Variants in ZMAT4 observed in about 807,000 individuals in gnomAD.
ZMAT4 encodes zinc finger matrin-type protein 4.
A neutral mutation model predicts 28.7 loss-of-function variants in ZMAT4; 17 were observed. The observed-to-expected ratio is 0.59, with a 90% CI of 0.41 to 0.89. The LOEUF (loss-of-function observed/expected upper bound fraction) is 0.89. Among genes scored for constraint, ZMAT4 ranks in the 40% least tolerant of loss-of-function variants. The pLI, the probability that ZMAT4 is intolerant of heterozygous loss-of-function variation, is 0.00. For missense variants in ZMAT4, 240 were observed against 283.8 expected, an observed-to-expected ratio of 0.85 and a Z score of 1.11; for synonymous variants, 117 against 109.2, an observed-to-expected ratio of 1.07 and a Z score of -0.44.
At chr8:40,695,268 C>T (rs1221711435) in intron 4 of ZMAT4, among the ~76,000 whole-genome samples, 5 of 152,338 alleles carry the variant, frequency 3.3e-5, no homozygotes, top group South Asian at 2.1e-4. Context: ...GCTTTCTCTG[C>T]TCCCTGCCAA....
chr8:40,890,466 T>A (rs933063564), intron 1 of ZMAT4, among the ~76,000 whole-genome samples: 6 of 152,144 alleles, frequency 3.9e-5, no homozygotes, highest in African/African-American at 1.4e-4. Context: ...AGTCAAAGTA[T>A]CGGCTTCTGA....
At chr8:40,649,168 T>C (rs1807505161) in intron 5 of ZMAT4, among the ~76,000 whole-genome samples, 1 of 152,046 alleles carries the variant, frequency 6.6e-6, no homozygotes. Context: ...GTGTGCTGTA[T>C]TCAGGAAACC....
At chr8:40,580,386 T>C (rs1804423094) in intron 6 of ZMAT4, among the ~76,000 whole-genome samples, 1 of 152,342 alleles carries the variant, frequency 6.6e-6, no homozygotes, top group South Asian at 2.1e-4. Context: ...TTTGTTAAAT[T>C]AACATTCATA....
chr8:40,678,425 A>G (rs1398136548), intron 4 of ZMAT4, among the ~76,000 whole-genome samples: 4 of 152,176 alleles, frequency 2.6e-5, no homozygotes, highest in Non-Finnish European at 1.5e-5. Context: ...CTATTATCCC[A>G]CCAGCCTTTG....
chr8:40,558,154 G>T (rs1190764303), intron 6 of ZMAT4, among the ~76,000 whole-genome samples: 1 of 152,128 alleles, frequency 6.6e-6, no homozygotes, highest in Admixed American at 6.5e-5. Context: ...GGGGAGGAGA[G>T]ATTTGCCTGA....
chr8:40,888,642 C>T (rs1468789234), intron 1 of ZMAT4: 1 of 152,314 alleles, frequency 6.6e-6, no homozygotes, highest in African/African-American at 2.4e-5. Context: ...CCAACTGTGA[C>T]TTTCACCCCG....
intron 5 of ZMAT4, among the ~76,000 whole-genome samples, chr8:40,593,605 C>CT (rs1477368889): frequency 1.3e-5 from 2 of 152,182 alleles, no homozygotes; most frequent in Admixed American, 1.3e-4. Flanking sequence ...CCAACCTCCA[C>CT]TTTAGAGCTT....
At chr8:40,644,071 G>T (rs1449663789) in intron 5 of ZMAT4, among the ~76,000 whole-genome samples, 1 of 152,084 alleles carries the variant, frequency 6.6e-6, no homozygotes, top group Non-Finnish European at 1.5e-5. Context: ...AATCTCTATA[G>T]TTGCCAAGTA....
chr8:40,659,599 G>A (rs1235242938), intron 5 of ZMAT4, among the ~76,000 whole-genome samples: 2 of 152,118 alleles, frequency 1.3e-5, no homozygotes, highest in Non-Finnish European at 2.9e-5. Context: ...TGAACAATCT[G>A]ATATTTCACG....
chr8:40,688,233 G>A (rs1809503568), intron 4 of ZMAT4, among the ~76,000 whole-genome samples: 1 of 152,070 alleles, frequency 6.6e-6, no homozygotes, highest in Non-Finnish European at 1.5e-5. Flanking sequence ...CCAGACAGGT[G>A]GATCACAAGG....
chr8:40,808,493 A>G, intron 2 of ZMAT4: 1 of 453,798 alleles, frequency 2.2e-6, no homozygotes, highest in Non-Finnish European at 4.4e-6. Flanking sequence ...GCAGTAGTAT[A>G]AAGCTGAAAA....
At chr8:40,847,188 A>C (rs1441210129) in intron 1 of ZMAT4, among the ~76,000 whole-genome samples, 1 of 148,680 alleles carries the variant, frequency 6.7e-6, no homozygotes, top group Non-Finnish European at 1.5e-5. Flanking sequence ...TGGGCAATAG[A>C]GAAAGATTCC....
intron 2 of ZMAT4, among the ~76,000 whole-genome samples, chr8:40,802,310 T>C (rs1224788041): frequency 6.6e-6 from 1 of 152,184 alleles, no homozygotes; most frequent in Non-Finnish European, 1.5e-5. Context: ...AATGACATGA[T>C]TGTTTTTATA....
At chr8:40,731,440 G>A (rs1021511593) in intron 3 of ZMAT4, among the ~76,000 whole-genome samples, 3 of 130,206 alleles carry the variant, frequency 2.3e-5, no homozygotes, top group Non-Finnish European at 5.0e-5. Context: ...GAGAGAAACA[G>A]ACAAAAACAA....
intron 5 of ZMAT4, among the ~76,000 whole-genome samples, chr8:40,647,089 G>A (rs1287324617): frequency 6.6e-6 from 1 of 152,156 alleles, no homozygotes; most frequent in African/African-American, 2.4e-5. Context: ...GGCCTAATAG[G>A]AACAGCTCCG....
chr8:40,857,033 A>G (rs1404625705), intron 1 of ZMAT4, among the ~76,000 whole-genome samples: 1 of 152,208 alleles, frequency 6.6e-6, no homozygotes. Context: ...GTTAGTTATT[A>G]CAGATTTTCA....
chr8:40,780,740 GA>G (rs1813792507), intron 2 of ZMAT4, among the ~76,000 whole-genome samples: 1 of 152,162 alleles, frequency 6.6e-6, no homozygotes, highest in African/African-American at 2.4e-5. Context: ...TTTAATAGAT[GA>G]AAACCCATTA....
chr8:40,541,952 G>A (rs1188227902), intron 6 of ZMAT4, among the ~76,000 whole-genome samples: 2 of 152,220 alleles, frequency 1.3e-5, no homozygotes, highest in African/African-American at 4.8e-5. Context: ...CCACTGGCAG[G>A]AGTGGAAAGT....
chr8:40,706,688 G>A (rs975547541), intron 3 of ZMAT4, among the ~76,000 whole-genome samples: 5 of 152,014 alleles, frequency 3.3e-5, no homozygotes, highest in Non-Finnish European at 5.9e-5. Context: ...TTTCCTCCAC[G>A]GGTGCTTTTC....
Sources: gnomAD v4.1 joint callset for allele counts (sites outside exome capture counted in the v4.1 genomes callset) on GRCh38, gnomAD v4.1.1 for gene constraint, MANE v1.5 for transcripts, NCBI Gene and HGNC (gene_info 2026-07-23, HGNC 2026-07-21) for gene names.